The following DNAH5 variants were observed in gnomAD, a reference collection of about 807,000 sequenced individuals.
DNAH5 encodes the protein axonemal beta dynein heavy chain 5.
A neutral mutation model predicts 518.2 loss-of-function variants in DNAH5; 372 were observed. The observed-to-expected ratio is 0.72, with a 90% confidence interval of 0.66 to 0.78. The LOEUF is 0.78. Among genes scored for constraint, DNAH5 ranks in the 30% least tolerant of loss-of-function variants. The probability of loss-of-function intolerance (pLI) is 0.00; values close to 1 mark genes in which losing one functional copy is unlikely to be tolerated. For synonymous variants in DNAH5, 2,039 were observed against 2,025.9 expected (o/e 1.01, Z -0.17); for missense variants, 5,523 against 5,687.0 (o/e 0.97, Z 0.93).
At chr5:13,708,702 TAC>T (rs1743118708) in intron 75 of DNAH5, among the ~76,000 whole-genome samples, 1 of 151,950 alleles carries the variant, frequency 6.6e-6, no homozygotes, top group African/African-American at 2.4e-5. Flanking sequence ...AGCAAACATG[TAC>T]ACACACACAC....
intron 47 of DNAH5, among the ~76,000 whole-genome samples, chr5:13,802,803 A>G (rs1758975527): frequency 1.3e-5 from 2 of 152,220 alleles, no homozygotes; most frequent in African/African-American, 2.4e-5. Flanking sequence ...AAGTCAGGAA[A>G]AACGAACTAA....
chr5:13,744,623 A>G (rs1264703233), intron 65 of DNAH5, among the ~76,000 whole-genome samples: 1 of 152,126 alleles, frequency 6.6e-6, no homozygotes, highest in South Asian at 2.1e-4. Flanking sequence ...CTATATGTCA[A>G]TTAAAAATAA....
chr5:13,892,764 A>G (rs4610459), intron 16 of DNAH5, among the ~76,000 whole-genome samples: 2,753 of 152,256 alleles, frequency 0.018, 97 homozygotes, highest in African/African-American at 0.063. Flanking sequence ...TACATTTCAT[A>G]AGTGCCTCCT....
At chr5:13,828,475 A>C (rs2151832956) in intron 38 of DNAH5, among the ~76,000 whole-genome samples, 1 of 152,278 alleles carries the variant, frequency 6.6e-6, no homozygotes, top group East Asian at 1.9e-4. Flanking sequence ...ATATGATATC[A>C]CCTTGAGAGT....
intron 19 of DNAH5, among the ~76,000 whole-genome samples, chr5:13,884,630 A>C (rs1300510174): frequency 6.6e-6 from 1 of 152,242 alleles, no homozygotes; most frequent in Non-Finnish European, 1.5e-5. Context: ...TGAGCTCAGG[A>C]GTTCGCCACC....
At chr5:13,825,153 C>A (rs1283795801) in intron 38 of DNAH5, among the ~76,000 whole-genome samples, 1 of 151,988 alleles carries the variant, frequency 6.6e-6, no homozygotes, top group African/African-American at 2.4e-5. Context: ...ACCAGCCTGG[C>A]CAACATGATG....
intron 1 of DNAH5, among the ~76,000 whole-genome samples, chr5:13,995,809 C>T (rs1783895549): frequency 1.3e-5 from 2 of 152,222 alleles, no homozygotes; most frequent in East Asian, 1.9e-4. Flanking sequence ...AGAGTGAATA[C>T]AAAAATAATT....
intron 27 of DNAH5, among the ~76,000 whole-genome samples, chr5:13,865,376 A>C (rs1769090852): frequency 6.6e-6 from 1 of 152,204 alleles, no homozygotes; most frequent in African/African-American, 2.4e-5. Flanking sequence ...TGATAATCTG[A>C]CATTAACTTC....
intron 1 of DNAH5, among the ~76,000 whole-genome samples, chr5:13,931,487 G>A (rs1778419647): frequency 6.6e-6 from 1 of 152,122 alleles, no homozygotes; most frequent in African/African-American, 2.4e-5. Flanking sequence ...AGAAAAATCT[G>A]CCATCCAGAA....
intron 1 of DNAH5, among the ~76,000 whole-genome samples, chr5:13,951,435 G>A (rs1021495232): frequency 4.0e-5 from 6 of 151,582 alleles, no homozygotes; most frequent in Non-Finnish European, 5.9e-5. Context: ...GCCCAGACTG[G>A]TCTCGAACTC....
intron 47 of DNAH5, among the ~76,000 whole-genome samples, chr5:13,801,929 T>C (rs991436030): frequency 9.9e-5 from 15 of 152,148 alleles, no homozygotes; most frequent in African/African-American, 3.6e-4. Context: ...TCCTTATTTA[T>C]ATATTTCTAG....
At chr5:13,740,245 C>G (rs1321933190) in intron 65 of DNAH5, among the ~76,000 whole-genome samples, 1 of 152,130 alleles carries the variant, frequency 6.6e-6, no homozygotes, top group African/African-American at 2.4e-5. Flanking sequence ...TTGTCACCCC[C>G]CTCTAAATTA....
chr5:13,788,450 C>T (rs1354287506), intron 51 of DNAH5, among the ~76,000 whole-genome samples: 3 of 152,144 alleles, frequency 2.0e-5, no homozygotes, highest in Non-Finnish European at 4.4e-5. Context: ...ACTGCAAGTC[C>T]TGTGCACTCT....
chr5:13,860,548 C>A (rs1014112087), intron 29 of DNAH5: 2 of 152,088 alleles, frequency 1.3e-5, no homozygotes, highest in Non-Finnish European at 2.9e-5. Context: ...AACTCTTCTA[C>A]ATGAAATGTG....
intron 28 of DNAH5, among the ~76,000 whole-genome samples, chr5:13,863,432 T>G (rs1162733857): frequency 6.6e-6 from 1 of 152,056 alleles, no homozygotes; most frequent in African/African-American, 2.4e-5. Context: ...TCTTTGCACC[T>G]TGTCACCCAA....
intron 21 of DNAH5, among the ~76,000 whole-genome samples, chr5:13,880,565 G>C (rs557638982): frequency 1.3e-5 from 2 of 151,942 alleles, no homozygotes; most frequent in Admixed American, 6.5e-5. Flanking sequence ...TATGAGGTGG[G>C]GAGTAAAAGT....
At chr5:13,958,535 A>G (rs1780934640) in intron 1 of DNAH5, among the ~76,000 whole-genome samples, 1 of 152,176 alleles carries the variant, frequency 6.6e-6, no homozygotes, top group South Asian at 2.1e-4. Flanking sequence ...ATCCAGAAAA[A>G]GGAATAGGTG....
At chr5:13,851,538 G>C (rs934098503) in intron 30 of DNAH5, among the ~76,000 whole-genome samples, 1 of 151,904 alleles carries the variant, frequency 6.6e-6, no homozygotes. Context: ...TTGAACTCCT[G>C]GGCTCAAGCA....
rs746814001 is a variant in DNAH5 at position 13,882,856 on chromosome 5, T to C, written c.3175-41A>G. On this transcript the variant is annotated intron_variant, in intron 20 of 78. Coordinates refer to ENST00000265104, the MANE Select transcript of DNAH5 (RefSeq NM_001369.3). ...ATATTTTTCAGTTCTGTCCTATCTGTAAAAGAAGTGGTTTCCATATGAAAC... is the reference window on the plus strand; with the variant it reads ...ATATTTTTCAGTTCTGTCCTATCTGCAAAAGAAGTGGTTTCCATATGAAAC... 9.9e-6 allele frequency: 16 copies of C among 1,613,636 alleles called. No homozygotes were observed. The South Asian group carries it at 1.6e-4, about 17-fold the overall frequency.
Sources: allele counts gnomAD v4.1 joint callset (sites outside exome capture counted in the v4.1 genomes callset), GRCh38; gene constraint gnomAD v4.1.1; transcripts MANE v1.5; gene names NCBI Gene and HGNC (gene_info 2026-07-23, HGNC 2026-07-21).